Variants in ENG observed in about 807,000 individuals in gnomAD.
The protein encoded by ENG is CD105 antigen.
Under a neutral mutation model 71.0 loss-of-function variants are expected in ENG, and 17 were observed. That is an observed-to-expected ratio of 0.24 (90% confidence interval 0.16 to 0.36). The LOEUF (loss-of-function observed/expected upper bound fraction) is 0.36. Among genes scored for constraint, ENG ranks in the 10% least tolerant of loss-of-function variants. The pLI is 1.00. For synonymous variants in ENG, 360 were observed against 366.9 expected (o/e 0.98, Z 0.21); for missense variants, 749 against 868.3 (o/e 0.86, Z 1.73).
intron 8 of ENG, among the ~76,000 whole-genome samples, chr9:127,823,234 C>T (rs1001651040): frequency 2.0e-5 from 3 of 152,074 alleles, no homozygotes; most frequent in African/African-American, 7.2e-5. Flanking sequence ...CAAGCTCCGC[C>T]TCCCGGGTTC....
chr9:127,817,120 C>T, intron 13 of ENG, 29 bp downstream of exon 13: 1 of 1,614,046 alleles, frequency 6.2e-7, no homozygotes, highest in Non-Finnish European at 8.5e-7. Context: ...GCCACTAGAA[C>T]AAACCCGAGA....
intron 1 of ENG, among the ~76,000 whole-genome samples, chr9:127,845,430 C>A (rs979646273): frequency 6.6e-6 from 1 of 152,334 alleles, no homozygotes; most frequent in South Asian, 2.1e-4. Flanking sequence ...GGGGCCCAGG[C>A]CTTATATGTC....
Position 127,815,545 on chromosome 9 carries a change from A to G in ENG, c.*137T>C, listed in dbSNP as rs1224845226. On this transcript the variant is annotated 3_prime_UTR_variant, in exon 15 of 15. Coordinates refer to ENST00000373203, the MANE Select transcript of ENG (RefSeq NM_001114753.3). ...CACTGGCAGCAGGCCTCTGAGAGGGAGGCGGGAAGGGTAGGCGCGGAGAGC... is the reference window on the plus strand; with the variant it reads ...CACTGGCAGCAGGCCTCTGAGAGGGGGGCGGGAAGGGTAGGCGCGGAGAGC... 1.1e-5 allele frequency: 16 copies of G among 1,431,448 alleles called. No individual in the cohort carries two copies. The highest frequency in any genetic ancestry group is 1.5e-5 in the Non-Finnish European group (16 of 1,089,564). The allele number at this position is 1,431,448 out of a possible 1,614,324, so 88.7% of individuals were successfully genotyped here.
Position 127,826,641 on chromosome 9 carries a change from G to C in ENG, c.392C>G (p.Pro131Arg). Residue 131 changes from proline (P) to arginine (R), a missense_variant, in exon 4 of 15, where the codon CCG becomes CGG. Coordinates refer to ENST00000373203, the MANE Select transcript of ENG (RefSeq NM_001114753.3). Reference protein sequence around the residue: ...NSSLVTFQEPPGVNTTELPSF... With the variant: ...NSSLVTFQEPRGVNTTELPSF... ...TGGCAGCTCTGTGGTGTTGACCCCC[G>C]GGGGCTCTTGGAAGGTGACCAGGCT... is the stretch of plus-strand genomic sequence containing the variant. 1.9e-6 allele frequency: 3 copies of C among 1,613,834 alleles called. No homozygotes were observed. Among genetic ancestry groups the C allele is most frequent in the Non-Finnish European group, 1.7e-6 (2 of 1,179,972 alleles).
In ENG at chr9:127,819,962, C is replaced by G. The variant is rs1407869511; in HGVS notation, c.1210G>C (p.Val404Leu). ...CAGCTGGAGTAAGCACTGCGCAAGA[C>G]AAACTTGTCACCCCTGTCCTCTGCC... Reference protein sequence around the residue: ...CEAEDRGDKFVLRSAYSSCGM... With the variant: ...CEAEDRGDKFLLRSAYSSCGM... Residue 404 changes from valine to leucine, a missense_variant, in exon 9 of 15, where the codon GTC becomes CTC. Val to Leu is a conservative substitution (Grantham distance 32). Coordinates refer to ENST00000373203, the MANE Select transcript of ENG (RefSeq NM_001114753.3). 1 of 1,614,116 alleles carries G rather than the reference C, an allele frequency of 6.2e-7. No individual in the cohort carries two copies. Among genetic ancestry groups the G allele is most frequent in the Non-Finnish European group, 8.5e-7 (1 of 1,180,050 alleles).
At chr9:127,843,730 C>CATAT (rs1831099913) in intron 1 of ENG, among the ~76,000 whole-genome samples, 1 of 6,862 alleles carries the variant, frequency 1.5e-4, no homozygotes, top group African/African-American at 3.4e-4. Context: ...CCCACACATC[C>CATAT]ACATACATAT....
chr9:127,828,019 CAAAAAAAAAAAAAA>C (rs997493323), intron 3 of ENG, among the ~76,000 whole-genome samples: 3 of 31,208 alleles, frequency 9.6e-5, no homozygotes, highest in South Asian at 2.6e-3. Context: ...AACTCCATCT[CAAAAAAAAAAAAAA>C]AAAAAAAAAA....
chr9:127,840,321 C>A (rs557757694), intron 2 of ENG, among the ~76,000 whole-genome samples: 1 of 152,318 alleles, frequency 6.6e-6, no homozygotes, highest in East Asian at 1.9e-4. Flanking sequence ...TGGGGCCAGA[C>A]GCAGTGGCTC....
rs917128680 is a variant in ENG, at chr9:127,835,649, C to T, written c.220-5822G>A. On this transcript the variant is annotated intron_variant, in intron 2 of 14. Transcript: ENST00000373203. ...GAGTGGGGATGAAGGAGCCCCATGG[C>T]CATCCAGTCCTACTGCTGCTCCGCC... Among the ~76,000 whole-genome samples, 28 of 152,160 alleles carry T rather than the reference C, an allele frequency of 1.8e-4. 1 individual carries two copies. Among genetic ancestry groups the T allele is most frequent in the Admixed American group, 1.8e-3 (28 of 15,266 alleles).
chr9:127,842,414 ATTTTT>A (rs1272665446), intron 2 of ENG, among the ~76,000 whole-genome samples: 7 of 149,084 alleles, frequency 4.7e-5, no homozygotes, highest in African/African-American at 1.5e-4. Context: ...TTTTTATTTT[ATTTTT>A]ATTTTTTTAT....
At chr9:127,822,945 A>T (rs1041954960) in intron 8 of ENG, among the ~76,000 whole-genome samples, 2 of 151,940 alleles carry the variant, frequency 1.3e-5, no homozygotes, top group African/African-American at 2.4e-5. Context: ...GGTTCAAGCG[A>T]TTCTCCTGCC....
chr9:127,824,670 A>G, intron 7 of ENG, 130 bp downstream of exon 7: 2 of 1,173,096 alleles, frequency 1.7e-6, no homozygotes, highest in Non-Finnish European at 2.3e-6. Context: ...TCCCATGTGC[A>G]GATGAGAAAA....
chr9:127,846,114 G>A lies in ENG; in HGVS notation c.68-2869C>T, dbSNP rs1311427805. On this transcript the variant is annotated intron_variant, in intron 1 of 14. Coordinates refer to ENST00000373203, the MANE Select transcript of ENG (RefSeq NM_001114753.3). This position sits in a 1 kb window ranked among gnomAD's most constrained non-coding sequence, Gnocchi z 5.5. Reference sequence around the variant, plus strand: ...GTGGGGTGAAGTGGCGGGATGGGGTGGCCTCCAGGTGACGGTCCTCTGGGA... The same window carrying A: ...GTGGGGTGAAGTGGCGGGATGGGGTAGCCTCCAGGTGACGGTCCTCTGGGA... Among the ~76,000 whole-genome samples, 1 of 152,104 alleles carries A rather than the reference G, an allele frequency of 6.6e-6. No homozygotes were observed. Among genetic ancestry groups the A allele is most frequent in the Non-Finnish European group, 1.5e-5 (1 of 67,974 alleles).
rs1407219601 is a variant in ENG, at chr9:127,838,322, C to T, written c.219+4772G>A. 6.6e-6 allele frequency among the ~76,000 whole-genome samples: 1 copy of T among 152,154 alleles called. No individual in the cohort carries two copies. The highest frequency in any genetic ancestry group is 2.4e-5 in the African/African-American group (1 of 41,418). ...TCCCTTTGGCCCCACAGAGTCCCCA[C>T]CCTGGGAGAGGGCTGCCATTGGCAG... On this transcript the variant is annotated intron_variant, in intron 2 of 14. Coordinates refer to ENST00000373203, the MANE Select transcript of ENG (RefSeq NM_001114753.3). The surrounding 1 kb of genome is among the most constrained non-coding windows in gnomAD (Gnocchi z 4.3).
In ENG at chr9:127,838,441, C is replaced by T. The variant is rs1830953964; in HGVS notation, c.219+4653G>A. Reference sequence around the variant, plus strand: ...ACTGCCTTCCATGGCCTCCCACTGCCTCCCAGGACAGTCTGGGGGAGCTAA... The same window carrying T: ...ACTGCCTTCCATGGCCTCCCACTGCTTCCCAGGACAGTCTGGGGGAGCTAA... On this transcript the variant is annotated intron_variant, in intron 2 of 14. Coordinates refer to ENST00000373203, the MANE Select transcript of ENG (RefSeq NM_001114753.3). This position sits in a 1 kb window ranked among gnomAD's most constrained non-coding sequence, Gnocchi z 4.3. Among the ~76,000 whole-genome samples the T allele has an allele frequency of 1.3e-5, 2 of 152,212 alleles. No individual in the cohort carries two copies. The highest frequency in any genetic ancestry group is 1.5e-5 in the Non-Finnish European group (1 of 68,038).
chr9:127,817,726 G>A, intron 12 of ENG: 1 of 384,620 alleles, frequency 2.6e-6, no homozygotes, highest in South Asian at 2.4e-5. Context: ...AAAGCCAGGA[G>A]TGTGTGTCCT....
intron 8 of ENG, chr9:127,821,118 T>C (rs1366571086): frequency 1.3e-5 from 2 of 151,982 alleles, no homozygotes; most frequent in Non-Finnish European, 2.9e-5. Flanking sequence ...AGCAAACTTA[T>C]TGCACTGCCG....
chr9:127,819,630 G>A lies in ENG; in HGVS notation c.1303C>T (p.Pro435Ser). The A allele has an allele frequency of 6.2e-7, 1 of 1,613,134 alleles. No homozygotes were observed. The highest frequency in any genetic ancestry group is 8.5e-7 in the Non-Finnish European group (1 of 1,179,694). Reference sequence around the variant, plus strand: ...GTGACTGTCCATCTCACCCGCTGTGGTGATGAGCTCGACAGGATATTGACC... The same window carrying A: ...GTGACTGTCCATCTCACCCGCTGTGATGATGAGCTCGACAGGATATTGACC... ...AVVNILSSSS[P>S]QRKKVHCLNM... Residue 435 changes from proline to serine, a missense_variant, in exon 10 of 15, where the codon CCA (proline) becomes TCA (serine). Transcript: ENST00000373203.
intron 8 of ENG, among the ~76,000 whole-genome samples, chr9:127,820,832 A>C (rs1051562557): frequency 6.6e-6 from 1 of 150,932 alleles, no homozygotes; most frequent in Non-Finnish European, 1.5e-5. Context: ...CCGTCTCAAA[A>C]AAAAAAAATA....
Sources: gnomAD v4.1 joint callset for allele counts (sites outside exome capture counted in the v4.1 genomes callset) on GRCh38, gnomAD v4.1.1 for gene constraint, Gnocchi (gnomAD v3.1) non-coding constraint, MANE v1.5 for transcripts, NCBI Gene and HGNC (gene_info 2026-07-23, HGNC 2026-07-21) for gene names.